The following CEP85 variants were observed in gnomAD, a reference collection of about 807,000 sequenced individuals.
CEP85 encodes the protein centrosomal protein 85, also known as centrosomal protein of 85 kDa.
Under a neutral mutation model 93.7 loss-of-function variants are expected in CEP85, and 58 were observed. The observed-to-expected ratio is 0.62, with a 90% CI of 0.50 to 0.77. CEP85 has a LOEUF of 0.77. Ranked by LOEUF, CEP85 falls within the 30% of genes least tolerant of loss-of-function variation. The probability of loss-of-function intolerance (pLI) is 0.00; values close to 1 mark genes in which losing one functional copy is unlikely to be tolerated. For synonymous variants in CEP85, 314 were observed against 338.6 expected, an observed-to-expected ratio of 0.93 and a Z score of 0.80; for missense variants, 868 against 922.0, an observed-to-expected ratio of 0.94 and a Z score of 0.76.
chr1:26,236,589 C>G (rs2089330166), intron 1 of CEP85, among the ~76,000 whole-genome samples: 1 of 152,186 alleles, frequency 6.6e-6, no homozygotes, highest in Non-Finnish European at 1.5e-5. Flanking sequence ...TATTGTTTTA[C>G]TCCTTACGGG....
intron 2 of CEP85, among the ~76,000 whole-genome samples, 179 bp downstream of exon 2, chr1:26,240,017 T>A (rs898646533): frequency 2.6e-5 from 4 of 152,220 alleles, no homozygotes; most frequent in Non-Finnish European, 4.4e-5. Flanking sequence ...TATTTATCTC[T>A]TGTGCTATGT....
intron 1 of CEP85, 55 bp downstream of exon 1, chr1:26,234,365 C>T (rs1180897376): frequency 6.6e-6 from 1 of 152,274 alleles, no homozygotes; most frequent in Non-Finnish European, 1.5e-5. Flanking sequence ...TGCCTCTCCT[C>T]CCATAGCTCC....
chr1:26,264,989 T>TC (rs1176083706), intron 7 of CEP85, among the ~76,000 whole-genome samples: 1 of 145,204 alleles, frequency 6.9e-6, no homozygotes, highest in East Asian at 2.0e-4. Flanking sequence ...GCTTTTTTTT[T>TC]TTTTTTTTTT....
chr1:26,259,666 C>T lies in CEP85; in HGVS notation c.1205C>T (p.Thr402Ile). ...TFLRAQFAQK[T>I]EALSREKIDL... ...TTACGTGCACAGTTTGCACAGAAGA[C>T]AGAAGCCTTGAGCAGAGAAAAGATT... Residue 402 changes from threonine to isoleucine, a missense_variant, in exon 7 of 14, where the codon ACA becomes ATA. By Grantham distance (89) the Thr-to-Ile change is moderately conservative (BLOSUM62 -1). Coordinates refer to ENST00000451429, the MANE Select transcript of CEP85 (RefSeq NM_001319944.2). 6.2e-7 allele frequency: 1 copy of T among 1,613,792 alleles called. No homozygotes were observed. The highest frequency in any genetic ancestry group is 8.5e-7 in the Non-Finnish European group (1 of 1,179,838).
intron 3 of CEP85, among the ~76,000 whole-genome samples, chr1:26,245,484 A>G (rs78099457): frequency 0.15 from 22,440 of 151,964 alleles, 1,884 homozygotes; most frequent in African/African-American, 0.21. Context: ...CCCATCCCTT[A>G]CGCTCATTAG....
Position 26,255,354 on chromosome 1 carries a change from G to T in CEP85, c.392G>T (p.Arg131Ile). The stretch of plus-strand genomic sequence containing the variant: ...TTGGCTGAAAGTGTGGGAATGACAA[G>T]AAATGGAGACCTCGGTGCAATGAAA... Reference protein sequence around the residue: ...SGLAESVGMTRNGDLGAMKHS... With the variant: ...SGLAESVGMTINGDLGAMKHS... The change falls in exon 4 of 14, where the codon AGA becomes ATA. Residue 131 changes from arginine (R) to isoleucine (I), a missense_variant. By Grantham distance (97) the Arg-to-Ile change is moderately conservative (BLOSUM62 -3). Coordinates refer to ENST00000451429, the MANE Select transcript of CEP85 (RefSeq NM_001319944.2). The T allele has an allele frequency of 6.2e-7, 1 of 1,614,138 alleles. No homozygotes were observed. Among genetic ancestry groups the T allele is most frequent in the Non-Finnish European group, 8.5e-7 (1 of 1,180,028 alleles).
chr1:26,277,179 G>C lies in CEP85; in HGVS notation c.2172G>C (p.Val724=). 6.2e-7 allele frequency: 1 copy of C among 1,614,172 alleles called. No homozygotes were observed. The highest frequency in any genetic ancestry group is 8.5e-7 in the Non-Finnish European group (1 of 1,179,996). ...AGCTAGATTTGCAGAAGCCAGATGT[G>C]ATCAAGAGGAAACTAGAAGAGGTTC... ...ETQLDLQKPD[V]IKRKLEEVQQ... is the part of the protein sequence containing the mutation. Residue 724 remains valine (V), a synonymous_variant, in exon 14 of 14, where the codon GTG becomes GTC. Coordinates refer to ENST00000451429, the MANE Select transcript of CEP85 (RefSeq NM_001319944.2).
At chr1:26,261,973 C>G (rs1307258468) in intron 7 of CEP85, among the ~76,000 whole-genome samples, 2 of 151,908 alleles carry the variant, frequency 1.3e-5, no homozygotes, top group African/African-American at 4.8e-5. Flanking sequence ...GAGTTCGAGA[C>G]CAGTCTGGCC....
At chr1:26,268,686 G>C in intron 8 of CEP85, 51 bp downstream of exon 8, 1 of 1,531,370 alleles carries the variant, frequency 6.5e-7, no homozygotes, top group South Asian at 1.3e-5. Flanking sequence ...TGGCCAGGCA[G>C]GGGAACTTTT....
At chr1:26,261,705 A>G (rs2089810735) in intron 7 of CEP85, among the ~76,000 whole-genome samples, 6 of 142,136 alleles carry the variant, frequency 4.2e-5, no homozygotes, top group Admixed American at 3.6e-4. Flanking sequence ...GACAAGCCTG[A>G]ACAACATAGT....
chr1:26,274,285 AAG>A (rs1384006323), intron 11 of CEP85, among the ~76,000 whole-genome samples: 2 of 152,316 alleles, frequency 1.3e-5, no homozygotes, highest in East Asian at 3.9e-4. Flanking sequence ...CAGTATTGTC[AAG>A]AGCACTTGAC....
chr1:26,262,887 C>T (rs1055906864), intron 7 of CEP85, among the ~76,000 whole-genome samples: 5 of 152,160 alleles, frequency 3.3e-5, no homozygotes, highest in African/African-American at 1.2e-4. Context: ...TAGGCACATG[C>T]CACCACACTG....
At chr1:26,250,253 G>A (rs144364624) in intron 3 of CEP85, among the ~76,000 whole-genome samples, 3 of 152,294 alleles carry the variant, frequency 2.0e-5, no homozygotes, top group Non-Finnish European at 4.4e-5. Flanking sequence ...AGCAGCAGGC[G>A]AGCAAGCATT....
intron 13 of CEP85, 68 bp from the exon 14 acceptor site, chr1:26,277,068 A>T (rs2090063915): frequency 4.7e-6 from 7 of 1,503,718 alleles, no homozygotes; most frequent in African/African-American, 1.4e-5. Flanking sequence ...CTGCCTATCC[A>T]TACTGCACCC....
chr1:26,275,350 G>A (rs1277953089), intron 12 of CEP85, among the ~76,000 whole-genome samples: 2 of 150,580 alleles, frequency 1.3e-5, no homozygotes, highest in African/African-American at 4.9e-5. Flanking sequence ...GCGCAATCTC[G>A]GCTCACTGCA....
At position 26,270,903 on chromosome 1, in the gene CEP85, T is replaced by C. The variant is rs2089963997; in HGVS notation, c.1650-111T>C. The C allele has an allele frequency of 1.5e-5, 10 of 676,836 alleles. No homozygotes were observed. The Admixed American group carries it at 1.9e-4, about 13-fold the overall frequency. The allele number at this position is 676,836 out of a possible 1,614,324, so 41.9% of individuals were successfully genotyped here. A position where few individuals can be genotyped will look rare whatever the true frequency, so the allele number is the denominator to read the frequency against. ...AGCAGACCCAAGTATTATCCCCAGC[T>C]ACTGCTTGGACTAAGTGTCTTGCCT... On this transcript the variant is annotated intron_variant, in intron 9 of 13. Coordinates refer to ENST00000451429, the MANE Select transcript of CEP85 (RefSeq NM_001319944.2).
At chr1:26,254,319 T>C (rs770381188) in intron 3 of CEP85, among the ~76,000 whole-genome samples, 2 of 152,010 alleles carry the variant, frequency 1.3e-5, no homozygotes, top group Non-Finnish European at 2.9e-5. Flanking sequence ...TACTTGAAAG[T>C]TGGAAATAGG....
At chr1:26,267,508 G>A (rs2089910402) in intron 7 of CEP85, among the ~76,000 whole-genome samples, 2 of 152,156 alleles carry the variant, frequency 1.3e-5, no homozygotes, top group Non-Finnish European at 2.9e-5. Flanking sequence ...AGGTCGCAGT[G>A]AGCCAAGATT....
chr1:26,266,102 G>A (rs946900204), intron 7 of CEP85, among the ~76,000 whole-genome samples: 11 of 151,960 alleles, frequency 7.2e-5, no homozygotes, highest in African/African-American at 2.2e-4. Flanking sequence ...CCAGCTCCTC[G>A]GGAGGCTGAG....
Sources: gnomAD v4.1 joint callset for allele counts (sites outside exome capture counted in the v4.1 genomes callset) on GRCh38, gnomAD v4.1.1 for gene constraint, MANE v1.5 for transcripts, NCBI Gene and HGNC (gene_info 2026-07-23, HGNC 2026-07-21) for gene names.